Variants in XKR9 observed in about 807,000 individuals in gnomAD.
XKR9 encodes XK related 9.
A neutral mutation model predicts 32.0 loss-of-function variants in XKR9; 32 were observed. The observed-to-expected ratio is 1.00, with a 90% CI of 0.76 to 1.34. The LOEUF is 1.34. Among genes scored for constraint, XKR9 ranks in the 40% most tolerant of loss-of-function variants. XKR9 has a pLI of 0.00. For synonymous variants in XKR9, 168 were observed against 143.4 expected, an observed-to-expected ratio of 1.17 and a Z score of -1.22; for missense variants, 546 against 429.7, an observed-to-expected ratio of 1.27 and a Z score of -2.39.
the XKR9 span, among the ~76,000 whole-genome samples, chr8:70,955,252 A>G: frequency 5.3e-5 from 8 of 152,176 alleles, no homozygotes; most frequent in Non-Finnish European, 4.4e-5. Flanking sequence ...TCCCCAGGTA[A>G]AGGCTGCTAA....
the XKR9 span, among the ~76,000 whole-genome samples, chr8:71,052,752 T>C: frequency 6.6e-6 from 1 of 152,338 alleles, no homozygotes; most frequent in East Asian, 1.9e-4. Flanking sequence ...TAGGTTCAGC[T>C]GCCCTGTGAG....
At chr8:70,681,369 T>C in intron 3 of XKR9, 39 bp downstream of exon 3, 1 of 1,567,242 alleles carries the variant, frequency 6.4e-7, no homozygotes, top group Non-Finnish European at 8.6e-7. Context: ...TGTTTTTCTT[T>C]TTCCAAACAG....
the XKR9 span, among the ~76,000 whole-genome samples, chr8:70,905,470 C>T: frequency 6.6e-6 from 1 of 152,184 alleles, no homozygotes; most frequent in African/African-American, 2.4e-5. Flanking sequence ...TCAGCTCCAT[C>T]AGGTCATTTA....
chr8:70,784,258 A>T (rs1414724035), intron 2 of XKR9, among the ~76,000 whole-genome samples: 1 of 152,138 alleles, frequency 6.6e-6, no homozygotes, highest in East Asian at 1.9e-4. Flanking sequence ...TGGAATTTTG[A>T]TAGAGATTGC....
chr8:70,791,629 C>G (rs574470914), downstream of XKR9, among the ~76,000 whole-genome samples: 3 of 152,022 alleles, frequency 2.0e-5, no homozygotes, highest in Admixed American at 6.6e-5. Context: ...CTCTCTTTTA[C>G]TCTCTTTACC....
At chr8:71,049,221 T>G in the XKR9 span, among the ~76,000 whole-genome samples, 1 of 152,188 alleles carries the variant, frequency 6.6e-6, no homozygotes, top group East Asian at 1.9e-4. Context: ...TAAGTGAGGA[T>G]TGATGGTATA....
the XKR9 span, among the ~76,000 whole-genome samples, chr8:70,818,211 G>T: frequency 1.3e-5 from 2 of 150,618 alleles, no homozygotes; most frequent in Admixed American, 1.3e-4. Flanking sequence ...TTTTTTTGGT[G>T]AGTTTCCACA....
chr8:70,855,495 G>C, the XKR9 span, among the ~76,000 whole-genome samples: 1 of 152,120 alleles, frequency 6.6e-6, no homozygotes, highest in Non-Finnish European at 1.5e-5. Flanking sequence ...CCAAATCTAC[G>C]TCTGATTGGT....
At chr8:71,036,273 G>A in the XKR9 span, among the ~76,000 whole-genome samples, 1 of 152,072 alleles carries the variant, frequency 6.6e-6, no homozygotes, top group African/African-American at 2.4e-5. Flanking sequence ...TTATTTTACA[G>A]TATTATGGTG....
intron 3 of XKR9, among the ~76,000 whole-genome samples, chr8:70,688,456 AC>A (rs1819385313): frequency 6.6e-6 from 1 of 151,210 alleles, no homozygotes; most frequent in South Asian, 2.1e-4. Flanking sequence ...TTGCTCTGTT[AC>A]CCAGGCTGGA....
At chr8:70,896,761 G>T in the XKR9 span, among the ~76,000 whole-genome samples, 4 of 151,630 alleles carry the variant, frequency 2.6e-5, no homozygotes, top group East Asian at 5.8e-4. Flanking sequence ...GCATATAGTA[G>T]GTATATATAT....
At chr8:70,859,433 G>A in the XKR9 span, among the ~76,000 whole-genome samples, 4 of 152,070 alleles carry the variant, frequency 2.6e-5, no homozygotes, top group East Asian at 1.9e-4. Context: ...TAGTATATCC[G>A]TAAGAACAGT....
At chr8:70,968,972 C>A in the XKR9 span, among the ~76,000 whole-genome samples, 1,449 of 152,286 alleles carry the variant, frequency 9.5e-3, 13 homozygotes, top group Non-Finnish European at 0.013. Context: ...CTTGACAGAG[C>A]AGTTGCACCA....
intron 3 of XKR9, among the ~76,000 whole-genome samples, chr8:70,692,363 C>G (rs1805106001): frequency 6.6e-6 from 1 of 151,958 alleles, no homozygotes; most frequent in Non-Finnish European, 1.5e-5. Context: ...CATCTGCAAA[C>G]AGAGATAGTT....
At chr8:70,741,128 C>G (rs552426509) in intron 2 of XKR9, among the ~76,000 whole-genome samples, 4 of 152,224 alleles carry the variant, frequency 2.6e-5, no homozygotes, top group Non-Finnish European at 5.9e-5. Flanking sequence ...CCACCCAGTT[C>G]GAGCATCTGG....
the XKR9 span, among the ~76,000 whole-genome samples, chr8:70,906,871 T>A: frequency 1.3e-5 from 2 of 152,142 alleles, no homozygotes; most frequent in African/African-American, 4.8e-5. Flanking sequence ...TTAAAATTTT[T>A]AAATTTATTT....
chr8:70,987,017 C>A, the XKR9 span, among the ~76,000 whole-genome samples: 7 of 152,306 alleles, frequency 4.6e-5, no homozygotes, highest in African/African-American at 1.7e-4. Flanking sequence ...ACCACCAAAT[C>A]TCATGTGACT....
chr8:70,998,803 C>A, the XKR9 span, among the ~76,000 whole-genome samples: 12 of 152,308 alleles, frequency 7.9e-5, no homozygotes, highest in Middle Eastern at 3.4e-3. Flanking sequence ...CCTCACTGGG[C>A]ATTGCTTGTG....
chr8:70,747,307 C>T (rs889489300), intron 2 of XKR9, among the ~76,000 whole-genome samples: 1 of 152,114 alleles, frequency 6.6e-6, no homozygotes, highest in Non-Finnish European at 1.5e-5. Flanking sequence ...GGTAATTCTG[C>T]TTTTAGTTCT....
Sources: allele counts gnomAD v4.1 joint callset (sites outside exome capture counted in the v4.1 genomes callset), GRCh38; gene constraint gnomAD v4.1.1; transcripts MANE v1.5; gene names NCBI Gene and HGNC (gene_info 2026-07-23, HGNC 2026-07-21).